LRRC37A2: variants seen among roughly 807,000 people sequenced by gnomAD.
LRRC37A2 encodes the protein leucine-rich repeat-containing protein 37A2.
Under a neutral mutation model 68.8 loss-of-function variants are expected in LRRC37A2, and 9 were observed. The ratio of observed to expected loss-of-function variants is 0.13; its 90% CI spans 0.08 to 0.23. LRRC37A2 has a LOEUF of 0.23. Among genes scored for constraint, LRRC37A2 ranks in the 10% least tolerant of loss-of-function variants. The pLI is 1.00. For missense variants in LRRC37A2, 168 were observed against 950.4 expected (o/e 0.18, Z 10.82); for synonymous variants, 63 against 367.6 (o/e 0.17, Z 9.48).
the LRRC37A2 span, chr17:46,875,363 C>G: frequency 3.1e-5 from 49 of 1,598,264 alleles, no homozygotes; most frequent in Middle Eastern, 1.7e-4. Context: ...ACGTGGGCAT[C>G]AAGGTGAGCA....
At chr17:46,417,006 G>A in the LRRC37A2 span, among the ~76,000 whole-genome samples, 3 of 144,480 alleles carry the variant, frequency 2.1e-5, no homozygotes, top group African/African-American at 7.6e-5. Context: ...TCTGAGGCAC[G>A]AGAATCACTT....
chr17:47,047,960 G>C, the LRRC37A2 span, among the ~76,000 whole-genome samples: 1 of 150,980 alleles, frequency 6.6e-6, no homozygotes, highest in African/African-American at 2.5e-5. Flanking sequence ...TGTCCAGATA[G>C]CTTGAATACA....
chr17:46,768,812 AGT>A, the LRRC37A2 span: 2 of 1,611,496 alleles, frequency 1.2e-6, no homozygotes, highest in East Asian at 4.5e-5. The surrounding 1 kb of genome is among the most constrained non-coding windows in gnomAD (Gnocchi z 5.0). Flanking sequence ...GGGGGAGAGA[AGT>A]GGCAGCTGGC....
chr17:46,767,779 T>TTTTGTTTG, the LRRC37A2 span, among the ~76,000 whole-genome samples: 52 of 152,158 alleles, frequency 3.4e-4, no homozygotes, highest in African/African-American at 1.0e-3. Context: ...TTTTGTTTTT[T>TTTTGTTTG]TTTGTTTGTT....
chr17:46,679,628 A>G, the LRRC37A2 span, among the ~76,000 whole-genome samples: 1 of 138,998 alleles, frequency 7.2e-6, no homozygotes, highest in Non-Finnish European at 1.6e-5. Flanking sequence ...GGAGGCGGAG[A>G]TTGCAGTGAG....
the LRRC37A2 span, among the ~76,000 whole-genome samples, chr17:46,734,520 A>G: frequency 1.3e-5 from 2 of 152,092 alleles, no homozygotes; most frequent in African/African-American, 4.8e-5. Flanking sequence ...TTTCTTGGAA[A>G]GTCCTTTGTA....
At chr17:46,785,868 G>C in the LRRC37A2 span, among the ~76,000 whole-genome samples, 11 of 152,196 alleles carry the variant, frequency 7.2e-5, no homozygotes, top group South Asian at 2.1e-3. Flanking sequence ...GGGTGTGGAG[G>C]GCGGGGCAGT....
At chr17:46,958,089 A>G in the LRRC37A2 span, among the ~76,000 whole-genome samples, 2,654 of 152,200 alleles carry the variant, frequency 0.017, 44 homozygotes, top group Non-Finnish European at 0.024. Flanking sequence ...ACCCATGGAG[A>G]GTGGGTCTCC....
the LRRC37A2 span, among the ~76,000 whole-genome samples, chr17:46,811,100 G>A: frequency 5.3e-5 from 8 of 152,094 alleles, no homozygotes; most frequent in South Asian, 2.1e-4. Flanking sequence ...AACTCCTCCC[G>A]GCTGTACAGG....
the LRRC37A2 span, among the ~76,000 whole-genome samples, chr17:46,982,739 G>T: frequency 6.6e-6 from 1 of 152,198 alleles, no homozygotes; most frequent in East Asian, 1.9e-4. Flanking sequence ...GAGCAGGAAG[G>T]GGGAGAGAGA....
chr17:46,852,389 A>AGTGTGT, the LRRC37A2 span, among the ~76,000 whole-genome samples: 1,389 of 105,340 alleles, frequency 0.013, 18 homozygotes, highest in Middle Eastern at 0.029. Flanking sequence ...GAGAGGGCCC[A>AGTGTGT]GTGTGTGTGT....
chr17:46,802,692 G>GC, the LRRC37A2 span, among the ~76,000 whole-genome samples: 1 of 152,154 alleles, frequency 6.6e-6, no homozygotes, highest in Non-Finnish European at 1.5e-5. Context: ...ATGGAATGAA[G>GC]CCCCCATACA....
At chr17:46,773,977 C>T in the LRRC37A2 span, 38 of 1,568,256 alleles carry the variant, frequency 2.4e-5, no homozygotes, top group Middle Eastern at 4.5e-4. Flanking sequence ...GCACCATGGC[C>T]GCTTTGTGAA....
chr17:46,972,555 G>A, the LRRC37A2 span, among the ~76,000 whole-genome samples: 1 of 152,238 alleles, frequency 6.6e-6, no homozygotes, highest in Non-Finnish European at 1.5e-5. Flanking sequence ...TCTGCACAAT[G>A]TGACCGTTGG....
At chr17:46,957,345 G>T in the LRRC37A2 span, among the ~76,000 whole-genome samples, 87 of 152,288 alleles carry the variant, frequency 5.7e-4, no homozygotes, top group East Asian at 9.8e-3. Context: ...AAGCGCTGTG[G>T]CTCACGCCTG....
the LRRC37A2 span, among the ~76,000 whole-genome samples, chr17:46,761,149 C>A: frequency 6.6e-6 from 1 of 152,166 alleles, no homozygotes; most frequent in African/African-American, 2.4e-5. Flanking sequence ...CGTTGTATGG[C>A]TGAAGTGTAA....
At chr17:46,840,056 CTCTT>C in the LRRC37A2 span, among the ~76,000 whole-genome samples, 2 of 135,650 alleles carry the variant, frequency 1.5e-5, no homozygotes, top group African/African-American at 5.6e-5. Flanking sequence ...TTCTCTCTCT[CTCTT>C]TCCTTTCTTT....
At chr17:46,726,578 C>T in the LRRC37A2 span, 5 of 1,613,950 alleles carry the variant, frequency 3.1e-6, no homozygotes, top group African/African-American at 1.3e-5. Context: ...AATCCCAGCT[C>T]AGTTGTGTGG....
At chr17:46,780,245 T>A in the LRRC37A2 span, among the ~76,000 whole-genome samples, 2 of 152,214 alleles carry the variant, frequency 1.3e-5, no homozygotes, top group Non-Finnish European at 2.9e-5. Context: ...AATCCCCTGC[T>A]GATGGGGGTC....
Sources: allele counts gnomAD v4.1 joint callset (sites outside exome capture counted in the v4.1 genomes callset), GRCh38; gene constraint gnomAD v4.1.1; non-coding constraint Gnocchi (gnomAD v3.1); transcripts MANE v1.5; gene names NCBI Gene and HGNC (gene_info 2026-07-23, HGNC 2026-07-21).